Variants in EXT1 observed in about 807,000 individuals in gnomAD.
EXT1 encodes exostosin glycosyltransferase 1, also known as exostosin-1.
EXT1 carries 20 observed loss-of-function variants against 82.5 expected under a neutral mutation model. The ratio of observed to expected loss-of-function variants is 0.24; its 90% CI spans 0.17 to 0.35. EXT1 has a LOEUF of 0.35. EXT1 is among the 10% of genes least tolerant of loss of function. The pLI is 1.00. For missense variants in EXT1, 757 were observed against 936.5 expected, an observed-to-expected ratio of 0.81 and a Z score of 2.50; for synonymous variants, 348 against 350.8, an observed-to-expected ratio of 0.99 and a Z score of 0.09.
chr8:117,839,111 C>A (rs1413600644), intron 1 of EXT1, among the ~76,000 whole-genome samples: 1 of 152,116 alleles, frequency 6.6e-6, no homozygotes, highest in Non-Finnish European at 1.5e-5. Context: ...CATAGAAGGA[C>A]TATTTGCTGA....
chr8:118,096,292 T>C (rs1460662750), intron 1 of EXT1, among the ~76,000 whole-genome samples: 1 of 152,150 alleles, frequency 6.6e-6, no homozygotes, highest in Non-Finnish European at 1.5e-5. Flanking sequence ...TTGGCTTCAG[T>C]GATACTTATA....
At chr8:118,014,090 T>C (rs565976746) in intron 1 of EXT1, among the ~76,000 whole-genome samples, 23 of 152,196 alleles carry the variant, frequency 1.5e-4, no homozygotes, top group Admixed American at 3.3e-4. Flanking sequence ...AAGATAATGA[T>C]GATGGCGATA....
intron 1 of EXT1, among the ~76,000 whole-genome samples, chr8:118,017,941 G>A (rs550524510): frequency 6.6e-6 from 1 of 152,272 alleles, no homozygotes; most frequent in South Asian, 2.1e-4. Context: ...CCACACATTG[G>A]CTCAGAGCAA....
At chr8:117,913,164 G>A (rs1331303737) in intron 1 of EXT1, among the ~76,000 whole-genome samples, 9 of 152,162 alleles carry the variant, frequency 5.9e-5, no homozygotes, top group Admixed American at 5.9e-4. Context: ...GGAGGTTGCA[G>A]TGAGCAAAGA....
intron 1 of EXT1, among the ~76,000 whole-genome samples, chr8:117,898,109 AGT>A (rs926977295): frequency 6.6e-6 from 1 of 152,194 alleles, no homozygotes; most frequent in African/African-American, 2.4e-5. Context: ...TTGACCCCAA[AGT>A]GTATACTCTT....
chr8:118,016,469 T>A (rs1816005861), intron 1 of EXT1, among the ~76,000 whole-genome samples: 1 of 152,130 alleles, frequency 6.6e-6, no homozygotes, highest in Non-Finnish European at 1.5e-5. Flanking sequence ...ATGAATGCAG[T>A]AGGACGGGGC....
At chr8:117,844,515 A>C (rs1272061476) in intron 1 of EXT1, among the ~76,000 whole-genome samples, 1 of 152,150 alleles carries the variant, frequency 6.6e-6, no homozygotes, top group African/African-American at 2.4e-5. Context: ...GGAATTGCCC[A>C]AGGCAAAGAT....
chr8:117,946,567 G>A (rs545073495), intron 1 of EXT1, among the ~76,000 whole-genome samples: 1 of 152,190 alleles, frequency 6.6e-6, no homozygotes, highest in Non-Finnish European at 1.5e-5. Flanking sequence ...ACCTACAGGA[G>A]CGGGCAGGCA....
chr8:117,858,787 A>C (rs1812618901), intron 1 of EXT1, among the ~76,000 whole-genome samples: 2 of 121,974 alleles, frequency 1.6e-5, no homozygotes, highest in African/African-American at 8.6e-5. Flanking sequence ...GCAGGCAGGC[A>C]GGCAAGGCAA....
rs1586340912 is a variant in EXT1 at position 118,009,808 on chromosome 8, C to T, written c.962+100277G>A. 6.6e-5 allele frequency among the ~76,000 whole-genome samples: 10 copies of T among 152,276 alleles called. No homozygotes were observed. In the South Asian group the frequency reaches 1.7e-3, roughly 25 times the overall value. Reference sequence around the variant, plus strand: ...GAACAGTTTCATCCTGAAACCATCCCCACACCACCCTCCTGGTCCGTGAAA... The same window carrying T: ...GAACAGTTTCATCCTGAAACCATCCTCACACCACCCTCCTGGTCCGTGAAA... On this transcript the variant is annotated intron_variant, in intron 1 of 10. Transcript: ENST00000378204.
At chr8:117,996,544 G>A (rs1446792800) in intron 1 of EXT1, among the ~76,000 whole-genome samples, 2 of 152,138 alleles carry the variant, frequency 1.3e-5, no homozygotes, top group Non-Finnish European at 2.9e-5. Context: ...CCTATACATC[G>A]TGGAACAAAG....
rs59022158 is a variant in EXT1, at chr8:117,901,871, C to T, written c.963-64670G>A. Among the ~76,000 whole-genome samples, 25 of 152,048 alleles carry T rather than the reference C, an allele frequency of 1.6e-4. No individual in the cohort carries two copies. In the East Asian group the frequency reaches 2.3e-3, roughly 14 times the overall value. On this transcript the variant is annotated intron_variant, in intron 1 of 10. Transcript: ENST00000378204. ...ACCACCACACCTGGCTAATTTTTTG[C>T]ATTTTTGATACAGATTAGGTTTCGC...
At chr8:117,876,040 C>G (rs1217890334) in intron 1 of EXT1, among the ~76,000 whole-genome samples, 1 of 152,152 alleles carries the variant, frequency 6.6e-6, no homozygotes, top group Non-Finnish European at 1.5e-5. Flanking sequence ...CCTATCCATG[C>G]CAGAAACTAT....
chr8:117,947,717 G>A (rs547020603), intron 1 of EXT1, among the ~76,000 whole-genome samples: 35 of 152,288 alleles, frequency 2.3e-4, no homozygotes, highest in South Asian at 8.3e-4. Flanking sequence ...TGAATAGAAA[G>A]GAAGTGATAG....
At chr8:117,973,856 GA>G (rs572732576) in intron 1 of EXT1, among the ~76,000 whole-genome samples, 1 of 138,498 alleles carries the variant, frequency 7.2e-6, no homozygotes, top group African/African-American at 2.9e-5. Flanking sequence ...GAAAGGAAAG[GA>G]AAGGAAAGGA....
At chr8:118,072,605 A>C (rs1410218462) in intron 1 of EXT1, among the ~76,000 whole-genome samples, 1 of 152,246 alleles carries the variant, frequency 6.6e-6, no homozygotes, top group Non-Finnish European at 1.5e-5. Flanking sequence ...TACAGAAAAC[A>C]TAATAGGATG....
At chr8:118,031,127 G>A (rs1195804370) in intron 1 of EXT1, among the ~76,000 whole-genome samples, 5 of 152,136 alleles carry the variant, frequency 3.3e-5, no homozygotes, top group African/African-American at 1.2e-4. Context: ...ATGGGGTGTG[G>A]GGGGAACAGC....
intron 1 of EXT1, among the ~76,000 whole-genome samples, chr8:117,943,469 C>CA (rs141033236): frequency 0.059 from 8,938 of 151,834 alleles, 865 homozygotes; most frequent in African/African-American, 0.2. Flanking sequence ...TAGTCACATA[C>CA]AAAAAAAATG....
chr8:117,850,320 T>C (rs867946108), intron 1 of EXT1, among the ~76,000 whole-genome samples: 2 of 152,230 alleles, frequency 1.3e-5, no homozygotes, highest in Non-Finnish European at 2.9e-5. Flanking sequence ...CTAAAGGCGA[T>C]TGCAGTCTCT....
Sources: allele counts gnomAD v4.1 joint callset (sites outside exome capture counted in the v4.1 genomes callset), GRCh38; gene constraint gnomAD v4.1.1; transcripts MANE v1.5; gene names NCBI Gene and HGNC (gene_info 2026-07-23, HGNC 2026-07-21).